The following PRKCE variants were observed in gnomAD, a reference collection of about 807,000 sequenced individuals.
PRKCE encodes the protein protein kinase C epsilon.
A neutral mutation model predicts 85.4 loss-of-function variants in PRKCE; 16 were observed. That is an observed-to-expected ratio of 0.19 (90% CI 0.13 to 0.28). PRKCE has a LOEUF of 0.28. PRKCE is among the 10% of genes least tolerant of loss of function. The pLI is 1.00. For synonymous variants in PRKCE, 388 were observed against 371.5 expected, an observed-to-expected ratio of 1.04 and a Z score of -0.51; for missense variants, 573 against 975.2, an observed-to-expected ratio of 0.59 and a Z score of 5.49.
At chr2:45,906,921 C>T (rs1697021814) in intron 2 of PRKCE, among the ~76,000 whole-genome samples, 1 of 152,220 alleles carries the variant, frequency 6.6e-6, no homozygotes, top group African/African-American at 2.4e-5. Context: ...TCATGGGCTT[C>T]TCCTGCCGCC....
In PRKCE at chr2:46,009,553, CACTTCT is replaced by C. The variant is rs753985621; in HGVS notation, c.1264-788_1264-783del. Among the ~76,000 whole-genome samples, 102 of 152,318 alleles carry C rather than the reference CACTTCT, an allele frequency of 6.7e-4. 1 individual carries two copies. Among genetic ancestry groups the C allele is most frequent in the Admixed American group, 2.9e-3 (45 of 15,304 alleles). ...TTGGTAAGTCACCATGAAACTCCAA[CACTTCT>C]ACATTGCTAGTGGCACATTGTATCA... On this transcript the variant is annotated intron_variant, in intron 9 of 14. Coordinates refer to ENST00000306156, the MANE Select transcript of PRKCE (RefSeq NM_005400.3).
chr2:45,864,780 G>C (rs1043636322), intron 2 of PRKCE, among the ~76,000 whole-genome samples: 1 of 152,194 alleles, frequency 6.6e-6, no homozygotes, highest in African/African-American at 2.4e-5. Context: ...TTTTGAGGTA[G>C]AGTACTTGCT....
intron 7 of PRKCE, among the ~76,000 whole-genome samples, chr2:46,003,499 CT>C (rs1208426014): frequency 6.6e-6 from 1 of 152,152 alleles, no homozygotes; most frequent in Non-Finnish European, 1.5e-5. Context: ...ATGTTTCTTA[CT>C]TTGTGTAAGT....
At chr2:46,050,582 G>C (rs149989592) in intron 10 of PRKCE, among the ~76,000 whole-genome samples, 25 of 152,244 alleles carry the variant, frequency 1.6e-4, no homozygotes, top group African/African-American at 6.0e-4. Flanking sequence ...GTGACCTTGT[G>C]GGGTGGGAAG....
At chr2:45,834,958 A>G (rs893218538) in intron 1 of PRKCE, among the ~76,000 whole-genome samples, 4 of 152,204 alleles carry the variant, frequency 2.6e-5, no homozygotes, top group Non-Finnish European at 4.4e-5. Flanking sequence ...TCAAACCTAC[A>G]TTTTGGATGT....
intron 10 of PRKCE, among the ~76,000 whole-genome samples, chr2:46,049,135 C>T (rs1441137842): frequency 6.6e-6 from 1 of 152,156 alleles, no homozygotes; most frequent in African/African-American, 2.4e-5. Context: ...GTCTGTCTTT[C>T]CCCTTCTTGA....
chr2:45,863,072 G>A (rs911273478), intron 2 of PRKCE, among the ~76,000 whole-genome samples: 12 of 152,330 alleles, frequency 7.9e-5, no homozygotes, highest in Admixed American at 1.3e-4. Flanking sequence ...CTGGGGGGTT[G>A]TGGGAGAGGG....
intron 1 of PRKCE, among the ~76,000 whole-genome samples, chr2:45,811,922 C>G (rs1688679074): frequency 6.6e-6 from 1 of 152,206 alleles, no homozygotes; most frequent in African/African-American, 2.4e-5. Flanking sequence ...CACAGACACA[C>G]ACACCCCTCC....
chr2:46,176,609 C>T lies in PRKCE; in HGVS notation c.2068-8126C>T, dbSNP rs1232656549. ...CACTTGAAGCAATTAACTTCATTTCCAGCAGAGAAATGCTCAGCCATTTGT... is the reference window on the plus strand; with the variant it reads ...CACTTGAAGCAATTAACTTCATTTCTAGCAGAGAAATGCTCAGCCATTTGT... On this transcript the variant is annotated intron_variant, in intron 14 of 14. Transcript: ENST00000306156. Among the ~76,000 whole-genome samples, 5 of 152,056 alleles carry T rather than the reference C, an allele frequency of 3.3e-5. No individual in the cohort carries two copies. The East Asian group carries it at 7.7e-4, about 23-fold the overall frequency.
At chr2:45,982,712 C>CTGA (rs1183242326) in intron 5 of PRKCE, among the ~76,000 whole-genome samples, 5 of 152,200 alleles carry the variant, frequency 3.3e-5, no homozygotes, top group African/African-American at 1.2e-4. Flanking sequence ...CTTGGTCAGT[C>CTGA]TGATGCTGTG....
intron 6 of PRKCE, among the ~76,000 whole-genome samples, chr2:45,998,292 A>G (rs766326259): frequency 2.0e-5 from 3 of 152,242 alleles, no homozygotes; most frequent in Non-Finnish European, 4.4e-5. Context: ...GTCTCCAATT[A>G]TAATAGCAGC....
chr2:45,874,714 C>T (rs1694341355), intron 2 of PRKCE, among the ~76,000 whole-genome samples: 1 of 152,204 alleles, frequency 6.6e-6, no homozygotes. Flanking sequence ...TGAAAAGCAG[C>T]TGGTGGCTTA....
intron 6 of PRKCE, among the ~76,000 whole-genome samples, chr2:45,998,212 A>G (rs888351863): frequency 6.6e-6 from 1 of 152,022 alleles, no homozygotes; most frequent in African/African-American, 2.4e-5. Flanking sequence ...CTGTTGATTA[A>G]TGTTGCTGTT....
chr2:45,951,729 C>A (rs750298338), intron 2 of PRKCE, among the ~76,000 whole-genome samples: 1 of 152,256 alleles, frequency 6.6e-6, no homozygotes, highest in Non-Finnish European at 1.5e-5. Context: ...TTCCACACCT[C>A]ATCCTCTGAG....
intron 2 of PRKCE, among the ~76,000 whole-genome samples, chr2:45,917,627 G>A (rs1347242158): frequency 2.0e-5 from 3 of 152,248 alleles, no homozygotes; most frequent in Non-Finnish European, 2.9e-5. Flanking sequence ...TCCCGCACTG[G>A]GGCTGCAGGT....
At chr2:45,812,700 T>C (rs1688737371) in intron 1 of PRKCE, among the ~76,000 whole-genome samples, 1 of 152,208 alleles carries the variant, frequency 6.6e-6, no homozygotes, top group Admixed American at 6.5e-5. Flanking sequence ...GTATCTACTT[T>C]AGTAGGTTAG....
chr2:45,889,247 C>T (rs1043204013), intron 2 of PRKCE, among the ~76,000 whole-genome samples: 2 of 151,944 alleles, frequency 1.3e-5, no homozygotes, highest in Non-Finnish European at 1.5e-5. Context: ...AGTGGTACCA[C>T]GTGAAATGTA....
Position 45,701,964 on chromosome 2 carries a change from G to A in PRKCE, c.348+49516G>A, listed in dbSNP as rs916503302. On this transcript the variant is annotated intron_variant, in intron 1 of 14. Coordinates refer to ENST00000306156, the MANE Select transcript of PRKCE (RefSeq NM_005400.3). ...TCTGAGAATTTTGGGAGGCTGAGGC[G>A]GATCACCTGACGTCAGGAGTTTGAG... Among the ~76,000 whole-genome samples, 6 of 152,120 alleles carry A rather than the reference G, an allele frequency of 3.9e-5. No individual in the cohort carries two copies. In the South Asian group the frequency reaches 6.2e-4, roughly 16 times the overall value.
intron 2 of PRKCE, among the ~76,000 whole-genome samples, chr2:45,916,704 C>G (rs1257058753): frequency 7.2e-5 from 11 of 152,184 alleles, no homozygotes; most frequent in Non-Finnish European, 1.6e-4. Context: ...AGTCTAAACA[C>G]AATAAAGCCC....
Sources: allele counts gnomAD v4.1 joint callset (sites outside exome capture counted in the v4.1 genomes callset), GRCh38; gene constraint gnomAD v4.1.1; transcripts MANE v1.5; gene names NCBI Gene and HGNC (gene_info 2026-07-23, HGNC 2026-07-21).